The following KIAA1958 variants were observed in gnomAD, a reference collection of about 807,000 sequenced individuals.
The protein encoded by KIAA1958 is uncharacterized protein KIAA1958.
A neutral mutation model predicts 47.2 loss-of-function variants in KIAA1958; 14 were observed. The ratio of observed to expected loss-of-function variants is 0.30; its 90% confidence interval spans 0.20 to 0.46. KIAA1958 has a LOEUF of 0.46. Among genes scored for constraint, KIAA1958 ranks in the 20% least tolerant of loss-of-function variants. The pLI is 1.00. For synonymous variants in KIAA1958, 354 were observed against 353.3 expected, an observed-to-expected ratio of 1.00 and a Z score of -0.02; for missense variants, 803 against 909.2, an observed-to-expected ratio of 0.88 and a Z score of 1.50.
chr9:112,573,548 C>A (rs1835576411), intron 1 of KIAA1958, among the ~76,000 whole-genome samples: 1 of 152,208 alleles, frequency 6.6e-6, no homozygotes, highest in Non-Finnish European at 1.5e-5. Flanking sequence ...GGCTTGCTCT[C>A]TCTGACCTCC....
At chr9:112,623,068 G>A (rs897914432) in intron 2 of KIAA1958, among the ~76,000 whole-genome samples, 1 of 152,186 alleles carries the variant, frequency 6.6e-6, no homozygotes, top group African/African-American at 2.4e-5. Context: ...ATGTTGGTCT[G>A]CTGTGGAATA....
intron 1 of KIAA1958, among the ~76,000 whole-genome samples, chr9:112,529,061 A>C (rs533611814): frequency 6.6e-6 from 1 of 152,230 alleles, no homozygotes; most frequent in Non-Finnish European, 1.5e-5. Flanking sequence ...TATTCTTTCC[A>C]AAAATATTTA....
At position 112,659,753 on chromosome 9, in the gene KIAA1958, T is replaced by G. The variant is rs1837239873; in HGVS notation, c.1835T>G (p.Val612Gly). 5 of 1,613,708 alleles carry G rather than the reference T, an allele frequency of 3.1e-6. No individual in the cohort carries two copies. The Admixed American group carries it at 6.7e-5, about 22-fold the overall frequency. The part of the protein sequence containing the change: ...KRESRSGSTR[V>G]CHGKIYHEHS... ...GAGAGTCGGAGCGGCTCCACCAGAG[T>G]GTGTCACGGGAAGATCTACCATGAG... is the stretch of plus-strand genomic sequence containing the variant. Residue 612 changes from valine to glycine, a missense_variant, in exon 4 of 4, where the codon GTG becomes GGG. Physicochemically the swap from Val to Gly is moderately radical, Grantham distance 109. Transcript: ENST00000337530.
intron 2 of KIAA1958, among the ~76,000 whole-genome samples, chr9:112,613,909 G>A (rs1299353757): frequency 6.6e-6 from 1 of 152,004 alleles, no homozygotes. Context: ...CCACTCCTAC[G>A]TATATACCCA....
At chr9:112,563,824 A>G (rs1267054372) in intron 1 of KIAA1958, among the ~76,000 whole-genome samples, 1 of 152,146 alleles carries the variant, frequency 6.6e-6, no homozygotes, top group Non-Finnish European at 1.5e-5. Flanking sequence ...TTAAAAGGAA[A>G]TAGTTGTCTT....
At chr9:112,495,934 G>A (rs1368875330) in intron 1 of KIAA1958, among the ~76,000 whole-genome samples, 1 of 152,178 alleles carries the variant, frequency 6.6e-6, no homozygotes. Flanking sequence ...AGTAGGAGAG[G>A]TTACTTGGAA....
chr9:112,515,447 G>GGAAAGGTGGGGAAAAGATT (rs1834410656), intron 1 of KIAA1958, among the ~76,000 whole-genome samples: 1 of 144,968 alleles, frequency 6.9e-6, no homozygotes, highest in Non-Finnish European at 1.5e-5. Flanking sequence ...TAGAAAGGCG[G>GGAAAGGTGGGGAAAAGATT]GAAAGGTGGG....
intron 2 of KIAA1958, among the ~76,000 whole-genome samples, chr9:112,630,561 A>G (rs1243515413): frequency 1.3e-5 from 2 of 152,222 alleles, no homozygotes; most frequent in African/African-American, 4.8e-5. Flanking sequence ...TTTTAAGAGA[A>G]TCATTTTAGT....
intron 1 of KIAA1958, among the ~76,000 whole-genome samples, chr9:112,491,614 A>G (rs1323724203): frequency 6.6e-6 from 1 of 151,894 alleles, no homozygotes; most frequent in Non-Finnish European, 1.5e-5. Context: ...ATTCCATTAA[A>G]ACCTACTGGA....
chr9:112,569,221 T>G (rs1436349559), intron 1 of KIAA1958, among the ~76,000 whole-genome samples: 1 of 152,202 alleles, frequency 6.6e-6, no homozygotes, highest in Non-Finnish European at 1.5e-5. Context: ...CTATTAAATT[T>G]CCCCGTTTTC....
intron 2 of KIAA1958, chr9:112,617,902 G>A (rs375175569): frequency 1.1e-5 from 17 of 1,550,126 alleles, no homozygotes; most frequent in East Asian, 4.9e-5. Context: ...AGCTCAGCAG[G>A]GAGCAGAACG....
intron 2 of KIAA1958, among the ~76,000 whole-genome samples, chr9:112,585,258 G>A (rs934623855): frequency 3.9e-5 from 6 of 152,158 alleles, no homozygotes; most frequent in Non-Finnish European, 8.8e-5. Flanking sequence ...AAAAGAAGCA[G>A]ACAAACCAAC....
At chr9:112,549,173 TTTCA>T (rs1458516931) in intron 1 of KIAA1958, among the ~76,000 whole-genome samples, 2 of 152,192 alleles carry the variant, frequency 1.3e-5, no homozygotes, top group African/African-American at 2.4e-5. Flanking sequence ...AAGAAAAATA[TTTCA>T]TTCAAGATGG....
chr9:112,575,082 T>C lies in KIAA1958; in HGVS notation c.1002T>C (p.Asp334=), dbSNP rs1835620001. Residue 334 remains aspartate, a synonymous_variant, in exon 2 of 4, where the codon GAT becomes GAC. Transcript: ENST00000337530. ...PLSALQLPGQ[D]EQVASEEFLS... is the part of the protein sequence containing the mutation. ...CTGCCCTGCAGCTGCCTGGACAGGA[T>C]GAGCAAGTTGCCTCTGAAGAGTTCC... 1.9e-6 allele frequency: 3 copies of C among 1,612,644 alleles called. No individual in the cohort carries two copies. Among genetic ancestry groups the C allele is most frequent in the Middle Eastern group, 3.3e-4 (2 of 6,062 alleles).
intron 1 of KIAA1958, among the ~76,000 whole-genome samples, chr9:112,549,360 A>G (rs917280912): frequency 3.3e-5 from 5 of 152,204 alleles, no homozygotes; most frequent in African/African-American, 7.2e-5. Flanking sequence ...ATTATTTTTC[A>G]TAACTTGTAT....
At chr9:112,639,985 A>G (rs1232709874) in intron 2 of KIAA1958, among the ~76,000 whole-genome samples, 2 of 152,242 alleles carry the variant, frequency 1.3e-5, no homozygotes, top group Admixed American at 1.3e-4. Flanking sequence ...TCTTTAACAT[A>G]TTCAAATTAT....
chr9:112,643,788 TGAA>T (rs1368781610), intron 2 of KIAA1958, among the ~76,000 whole-genome samples: 3 of 151,986 alleles, frequency 2.0e-5, no homozygotes, highest in Non-Finnish European at 4.4e-5. Flanking sequence ...AGGCATAGAC[TGAA>T]GAAGAGAATA....
At chr9:112,634,420 G>A (rs370151913) in intron 2 of KIAA1958, among the ~76,000 whole-genome samples, 10 of 151,876 alleles carry the variant, frequency 6.6e-5, no homozygotes, top group Non-Finnish European at 2.9e-5. Context: ...TAGTAGAGAC[G>A]GGGTTTCACC....
In KIAA1958 at chr9:112,665,449, A is replaced by G. The variant is rs1328113845; in HGVS notation, c.*5380A>G. The G allele has an allele frequency of 6.6e-6, 1 of 152,200 alleles. No homozygotes were observed. Among genetic ancestry groups the G allele is most frequent in the East Asian group, 1.9e-4 (1 of 5,202 alleles). 9.4% of individuals were successfully genotyped at this position (152,200 alleles called of 1,614,324 possible). A position where few individuals can be genotyped will look rare whatever the true frequency, so the allele number is the denominator to read the frequency against. ...GAGGAGTTAAAATTCTGAAAATCTC[A>G]CCGATAAGTTGGAGAATTTAAGTTT... is the stretch of plus-strand genomic sequence containing the variant. On this transcript the variant is annotated 3_prime_UTR_variant, in exon 4 of 4. Transcript: ENST00000337530.
Sources: allele counts gnomAD v4.1 joint callset (sites outside exome capture counted in the v4.1 genomes callset), GRCh38; gene constraint gnomAD v4.1.1; transcripts MANE v1.5; gene names NCBI Gene and HGNC (gene_info 2026-07-23, HGNC 2026-07-21).